The following PCSK6 variants were observed in gnomAD, a reference collection of about 807,000 sequenced individuals.
PCSK6 encodes paired basic amino acid cleaving enzyme 4.
In PCSK6, 85 loss-of-function variants were observed where a neutral mutation model predicts 123.3. That is an observed-to-expected ratio of 0.69 (90% CI 0.58 to 0.83). PCSK6 has a LOEUF of 0.83. PCSK6 is among the 40% of genes least tolerant of loss of function. PCSK6 has a pLI of 0.00. For synonymous variants in PCSK6, 508 were observed against 516.0 expected (o/e 0.98, Z 0.21); for missense variants, 1,191 against 1,282.3 (o/e 0.93, Z 1.09).
At chr15:101,314,518 C>G (rs2039943372) in intron 19 of PCSK6, among the ~76,000 whole-genome samples, 1 of 152,250 alleles carries the variant, frequency 6.6e-6, no homozygotes, top group Non-Finnish European at 1.5e-5. Flanking sequence ...TTGCAGTCTG[C>G]TCTGGACTCA....
chr15:101,350,243 C>A (rs35684174), intron 13 of PCSK6, among the ~76,000 whole-genome samples: 33,168 of 152,104 alleles, frequency 0.22, 3,823 homozygotes, highest in South Asian at 0.3. Context: ...CAAATGTTGA[C>A]TATCTTGTGT....
chr15:101,365,554 A>T (rs2041362304), intron 13 of PCSK6, among the ~76,000 whole-genome samples: 1 of 152,218 alleles, frequency 6.6e-6, no homozygotes. Context: ...TTCCAATCTT[A>T]GGTATACGCC....
chr15:101,395,782 C>A (rs373939668), intron 7 of PCSK6, among the ~76,000 whole-genome samples: 2 of 152,166 alleles, frequency 1.3e-5, no homozygotes, highest in African/African-American at 4.8e-5. Flanking sequence ...TCAGAAGCAC[C>A]GCGACTGAGG....
intron 1 of PCSK6, among the ~76,000 whole-genome samples, chr15:101,461,365 C>G (rs528232959): frequency 2.0e-5 from 3 of 152,230 alleles, no homozygotes; most frequent in African/African-American, 7.2e-5. Flanking sequence ...TGAAACAGTG[C>G]TTAAACACCC....
intron 13 of PCSK6, among the ~76,000 whole-genome samples, chr15:101,355,383 C>G (rs2041008325): frequency 6.6e-6 from 1 of 152,240 alleles, no homozygotes; most frequent in Non-Finnish European, 1.5e-5. Flanking sequence ...TGATGTCTCA[C>G]AATTCTCCCT....
In PCSK6 at chr15:101,382,351, C is replaced by T. The variant is rs111229841; in HGVS notation, c.1415-142G>A. ...CTCCTGGGGGCCCCAGGCTGCAGGA[C>T]GGGTCCCCCTGAGGGCTGCTCAAAG... On this transcript the variant is annotated intron_variant, in intron 10 of 21. Coordinates refer to ENST00000611716, the MANE Select transcript of PCSK6 (RefSeq NM_002570.5). 7.7e-4 allele frequency: 487 copies of T among 634,282 alleles called. 2 individuals are homozygous for T. Among genetic ancestry groups the T allele is most frequent in the African/African-American group, 6.3e-3 (346 of 54,658 alleles). 39.3% of individuals were successfully genotyped at this position (634,282 alleles called of 1,614,324 possible).
intron 13 of PCSK6, chr15:101,365,004 T>C (rs2041347310): frequency 1.3e-6 from 1 of 778,220 alleles, no homozygotes; most frequent in Non-Finnish European, 2.4e-6. Flanking sequence ...CGAACCTCTC[T>C]TCTGTGGTCA....
At chr15:101,330,985 T>C (rs1250859967) in intron 15 of PCSK6, among the ~76,000 whole-genome samples, 1 of 152,236 alleles carries the variant, frequency 6.6e-6, no homozygotes, top group African/African-American at 2.4e-5. Context: ...TTCTTAGATA[T>C]CACCCATCAT....
intron 6 of PCSK6, among the ~76,000 whole-genome samples, chr15:101,412,570 A>C (rs1333776999): frequency 6.6e-6 from 1 of 151,714 alleles, no homozygotes; most frequent in Non-Finnish European, 1.5e-5. Flanking sequence ...TCAGCAAAGA[A>C]ATACACGATA....
intron 4 of PCSK6, 104 bp from the exon 5 acceptor site, chr15:101,430,167 T>C: frequency 1.2e-6 from 1 of 814,094 alleles, no homozygotes; most frequent in Non-Finnish European, 2.1e-6. Flanking sequence ...CACGCGGGGC[T>C]CCTCTCTTAC....
chr15:101,468,296 A>G (rs1184454170), intron 1 of PCSK6, among the ~76,000 whole-genome samples: 1 of 152,234 alleles, frequency 6.6e-6, no homozygotes, highest in East Asian at 1.9e-4. Flanking sequence ...CATCATCATC[A>G]TCGTCACAGC....
rs138194589 is a variant in PCSK6, at chr15:101,472,486, G to A, written c.297+16888C>T. On this transcript the variant is annotated intron_variant, in intron 1 of 21. Coordinates refer to ENST00000611716, the MANE Select transcript of PCSK6 (RefSeq NM_002570.5). Reference sequence around the variant, plus strand: ...TCTAATTCATGCAACCTGACAGCACGATTCAAACAAAACTGACGCTGTGGG... The same window carrying A: ...TCTAATTCATGCAACCTGACAGCACAATTCAAACAAAACTGACGCTGTGGG... Among the ~76,000 whole-genome samples the A allele has an allele frequency of 2.8e-3, 424 of 152,382 alleles. 2 individuals carry two copies. Among genetic ancestry groups the A allele is most frequent in the African/African-American group, 9.4e-3 (389 of 41,586 alleles).
At chr15:101,410,634 C>G (rs995645716) in intron 6 of PCSK6, among the ~76,000 whole-genome samples, 3 of 152,202 alleles carry the variant, frequency 2.0e-5, no homozygotes, top group African/African-American at 7.2e-5. Flanking sequence ...TTATACACTG[C>G]GAAGGCTTCC....
intron 1 of PCSK6, among the ~76,000 whole-genome samples, chr15:101,446,662 A>G (rs1293406037): frequency 2.6e-5 from 4 of 152,240 alleles, no homozygotes; most frequent in Non-Finnish European, 4.4e-5. Flanking sequence ...ACTCTGAAAC[A>G]GAAAAGGCTG....
In PCSK6 at chr15:101,460,900, C is replaced by T. The variant is rs568050082; in HGVS notation, c.298-17240G>A. On this transcript the variant is annotated intron_variant, in intron 1 of 21. Transcript: ENST00000611716. ...CTCATGGGAACTGTGGACATGACCCCGGGAAAGATGTGTGTAACCTGAGGT... is the reference window on the plus strand; with the variant it reads ...CTCATGGGAACTGTGGACATGACCCTGGGAAAGATGTGTGTAACCTGAGGT... 5.4e-4 allele frequency among the ~76,000 whole-genome samples: 82 copies of T among 151,882 alleles called. 1 individual carries two copies. Among genetic ancestry groups the T allele is most frequent in the Admixed American group, 1.4e-3 (21 of 15,274 alleles).
chr15:101,326,552 T>C, intron 15 of PCSK6, 73 bp from the exon 16 acceptor site: 1 of 1,380,052 alleles, frequency 7.2e-7, no homozygotes, highest in South Asian at 1.3e-5. Flanking sequence ...CGGATCCCTG[T>C]GTCAGGATAT....
Position 101,305,384 on chromosome 15 carries a change from G to C in PCSK6, c.2813-29C>G. 1 of 1,585,894 alleles carries C rather than the reference G, an allele frequency of 6.3e-7. No individual in the cohort carries two copies. Among genetic ancestry groups the C allele is most frequent in the Non-Finnish European group, 8.6e-7 (1 of 1,161,026 alleles). On this transcript the variant is annotated intron_variant, in intron 21 of 21. Coordinates refer to ENST00000611716, the MANE Select transcript of PCSK6 (RefSeq NM_002570.5). This position sits in a 1 kb window ranked among gnomAD's most constrained non-coding sequence, Gnocchi z 4.8. ...GGGCCCCGCATCAGGAAAGGCAAAA[G>C]AGGGAAAGGTCAGTCTTCGGTGCCT...
intron 1 of PCSK6, among the ~76,000 whole-genome samples, chr15:101,478,666 G>A (rs7175064): frequency 0.53 from 80,981 of 152,028 alleles, 22,262 homozygotes; most frequent in East Asian, 0.81. Context: ...GTTCTGCCTC[G>A]GAGTAGCCAC....
At chr15:101,468,334 T>A (rs1338445320) in intron 1 of PCSK6, among the ~76,000 whole-genome samples, 1 of 152,194 alleles carries the variant, frequency 6.6e-6, no homozygotes, top group African/African-American at 2.4e-5. Context: ...CATCTTCATA[T>A]TCACTGTGTG....
Sources: gnomAD v4.1 joint callset for allele counts (sites outside exome capture counted in the v4.1 genomes callset) on GRCh38, gnomAD v4.1.1 for gene constraint, Gnocchi (gnomAD v3.1) non-coding constraint, MANE v1.5 for transcripts, NCBI Gene and HGNC (gene_info 2026-07-23, HGNC 2026-07-21) for gene names.